MYO10: variants seen among roughly 807,000 people sequenced by gnomAD.
MYO10 encodes the protein unconventional myosin-X.
Under a neutral mutation model 257.3 loss-of-function variants are expected in MYO10, and 133 were observed. The ratio of observed to expected loss-of-function variants is 0.52; its 90% CI spans 0.45 to 0.60. The LOEUF (loss-of-function observed/expected upper bound fraction) is 0.60. MYO10 is among the 20% of genes least tolerant of loss of function. The pLI is 0.00. For synonymous variants in MYO10, 1,104 were observed against 1,028.6 expected (o/e 1.07, Z -1.40); for missense variants, 2,399 against 2,635.7 (o/e 0.91, Z 1.97).
chr5:16,879,918 C>T (rs1744711027), intron 1 of MYO10, among the ~76,000 whole-genome samples: 1 of 152,212 alleles, frequency 6.6e-6, no homozygotes, highest in Non-Finnish European at 1.5e-5. Flanking sequence ...TGGCTCACGC[C>T]TATAATCCCA....
intron 33 of MYO10, among the ~76,000 whole-genome samples, chr5:16,679,508 C>T (rs991648932): frequency 1.4e-5 from 2 of 144,112 alleles, no homozygotes; most frequent in African/African-American, 2.7e-5. Flanking sequence ...TTTAACCAAG[C>T]GCTAGTTTTT....
chr5:16,763,542 C>T lies in MYO10; in HGVS notation c.1433G>A (p.Gly478Glu). 1.9e-6 allele frequency: 3 copies of T among 1,610,828 alleles called. No homozygotes were observed. The highest frequency in any genetic ancestry group is 2.5e-6 in the Non-Finnish European group (3 of 1,177,194). ...SLEQLEYSRE[G>E]LVWEDIDWID... is the part of the protein sequence containing the mutation. Reference sequence around the variant, plus strand: ...CCAGTCAATATCTTCCCACACTAATCCTTCCCTGTAGAAAGATTTTAAACA... The same window carrying T: ...CCAGTCAATATCTTCCCACACTAATTCTTCCCTGTAGAAAGATTTTAAACA... The change falls in exon 14 of 41, where the codon GGA becomes GAA. Residue 478 changes from glycine to glutamate, a missense_variant. By Grantham distance (98) the Gly-to-Glu change is moderately conservative. Transcript: ENST00000513610.
At chr5:16,814,881 T>C (rs1004678889) in intron 3 of MYO10, 3 of 152,244 alleles carry the variant, frequency 2.0e-5, no homozygotes, top group African/African-American at 7.2e-5. Context: ...ATAGTATGTA[T>C]TGGCAATTTA....
Position 16,878,477 on chromosome 5 carries a change from A to C in MYO10, c.22-770T>G, listed in dbSNP as rs116717274. ...ATTTTTTGGCATTGATCTCATTTCCACTTATTTATTTCCCCACTGGACAAA... is the reference window on the plus strand; with the variant it reads ...ATTTTTTGGCATTGATCTCATTTCCCCTTATTTATTTCCCCACTGGACAAA... On this transcript the variant is annotated intron_variant, in intron 1 of 40. Coordinates refer to ENST00000513610, the MANE Select transcript of MYO10 (RefSeq NM_012334.3). Among the ~76,000 whole-genome samples the C allele has an allele frequency of 4.1e-3, 617 of 152,292 alleles. 1 individual carries two copies. Among genetic ancestry groups the C allele is most frequent in the Middle Eastern group, 0.01 (3 of 294 alleles).
chr5:16,728,230 CT>C (rs1308870527), intron 19 of MYO10, among the ~76,000 whole-genome samples: 1 of 152,190 alleles, frequency 6.6e-6, no homozygotes, highest in Non-Finnish European at 1.5e-5. Flanking sequence ...TGTGCATGGA[CT>C]ACTGCACACG....
At chr5:16,905,944 T>C (rs996251834) in intron 1 of MYO10, among the ~76,000 whole-genome samples, 1 of 151,978 alleles carries the variant, frequency 6.6e-6, no homozygotes. Flanking sequence ...CTATCTTCCA[T>C]GGCAAGTTGA....
chr5:16,892,204 G>A (rs934222005), intron 1 of MYO10, among the ~76,000 whole-genome samples: 12 of 152,148 alleles, frequency 7.9e-5, no homozygotes, highest in African/African-American at 2.7e-4. Context: ...CTAGAAGACA[G>A]GGACTCAAGC....
At chr5:16,688,441 G>A (rs571884319) in intron 28 of MYO10, among the ~76,000 whole-genome samples, 22 of 152,196 alleles carry the variant, frequency 1.4e-4, no homozygotes, top group African/African-American at 4.6e-4. Context: ...TGTTACCCTC[G>A]TAAATTAAAA....
chr5:16,799,397 T>C (rs144440443), intron 3 of MYO10, among the ~76,000 whole-genome samples: 346 of 152,250 alleles, frequency 2.3e-3, no homozygotes, highest in African/African-American at 7.9e-3. Flanking sequence ...AGAATGACAA[T>C]GTAGTAGCTG....
At chr5:16,676,954 G>A (rs1362431209) in intron 33 of MYO10, among the ~76,000 whole-genome samples, 2 of 152,132 alleles carry the variant, frequency 1.3e-5, no homozygotes. Context: ...AACACATTTT[G>A]CTAGTTCTTG....
At chr5:16,901,985 G>A (rs570086590) in intron 1 of MYO10, among the ~76,000 whole-genome samples, 1 of 152,226 alleles carries the variant, frequency 6.6e-6, no homozygotes, top group South Asian at 2.1e-4. Flanking sequence ...TTTTCCAGAA[G>A]TCTAACACAG....
intron 19 of MYO10, among the ~76,000 whole-genome samples, chr5:16,752,958 A>G (rs1289345819): frequency 6.6e-6 from 1 of 152,198 alleles, no homozygotes; most frequent in Non-Finnish European, 1.5e-5. Context: ...TACTTTTTAA[A>G]CTACCAGAAT....
At chr5:16,787,997 T>C in intron 4 of MYO10, among the ~76,000 whole-genome samples, 1 of 152,152 alleles carries the variant, frequency 6.6e-6, no homozygotes. Flanking sequence ...TTTCACCATG[T>C]TGGCCAGGCT....
chr5:16,933,542 A>G lies in MYO10; in HGVS notation c.21+2246T>C, dbSNP rs114470016. 6.3e-3 allele frequency among the ~76,000 whole-genome samples: 960 copies of G among 152,342 alleles called. 13 individuals carry two copies. The highest frequency in any genetic ancestry group is 0.022 in the African/African-American group (921 of 41,576). On this transcript the variant is annotated intron_variant, in intron 1 of 40. Coordinates refer to ENST00000513610, the MANE Select transcript of MYO10 (RefSeq NM_012334.3). ...CTAAGCCACAATGGGAAAAGTTAGCAAAGACAGAATTCTACTTAGTGATAA... is the reference window on the plus strand; with the variant it reads ...CTAAGCCACAATGGGAAAAGTTAGCGAAGACAGAATTCTACTTAGTGATAA...
chr5:16,738,424 C>T, intron 19 of MYO10: 2 of 985,260 alleles, frequency 2.0e-6, no homozygotes. Context: ...AGAAAATAGT[C>T]ACAGACTCTT....
In MYO10 at chr5:16,702,953, C is replaced by T; in HGVS notation, c.2482G>A (p.Glu828Lys). 6.4e-7 allele frequency: 1 copy of T among 1,551,736 alleles called. No homozygotes were observed. The highest frequency in any genetic ancestry group is 8.7e-7 in the Non-Finnish European group (1 of 1,147,008). The change falls in exon 23 of 41, where the codon GAA becomes AAA. Residue 828 changes from glutamate (E) to lysine (K), a missense_variant. Around this residue, in one of 3 missense-constraint regions of MYO10, gnomAD observed 1,820 missense variants for 1,939.4 expected, o/e 0.94. Coordinates refer to ENST00000513610, the MANE Select transcript of MYO10 (RefSeq NM_012334.3). ...QEEKKKQEEE[E>K]KKKREEEERE... ...TCTTCTTCCTCCCGTTTCTTCTTTT[C>T]TTCCTCTTCCTGTTTCTTCTTTTCT...
rs186121424 is a variant in MYO10, at chr5:16,919,068, C to G, written c.21+16720G>C. Among the ~76,000 whole-genome samples, 11 of 152,210 alleles carry G rather than the reference C, an allele frequency of 7.2e-5. No individual in the cohort carries two copies. In the East Asian group the frequency reaches 2.1e-3, roughly 30 times the overall value. ...TGAAGATTTCCACACAGTCTCTATT[C>G]TTCCGACTTCAAAAGCCTACCAGAA... On this transcript the variant is annotated intron_variant, in intron 1 of 40. Transcript: ENST00000513610.
At chr5:16,894,653 C>A (rs756039821) in intron 1 of MYO10, among the ~76,000 whole-genome samples, 1 of 152,176 alleles carries the variant, frequency 6.6e-6, no homozygotes. Context: ...AGAGATCCAG[C>A]GCAAAGATTA....
At chr5:16,671,069 C>A in intron 38 of MYO10, 91 bp from the exon 39 acceptor site, 2 of 1,191,422 alleles carry the variant, frequency 1.7e-6, no homozygotes, top group Non-Finnish European at 2.3e-6. Flanking sequence ...ATGAGGGTTT[C>A]TCTCAAACTC....
Sources: gnomAD v4.1 joint callset for allele counts (sites outside exome capture counted in the v4.1 genomes callset) on GRCh38, gnomAD v4.1.1 for gene constraint, gnomAD v4.1.1 regional missense constraint, MANE v1.5 for transcripts, NCBI Gene and HGNC (gene_info 2026-07-23, HGNC 2026-07-21) for gene names.